The following GALNTL6 variants were observed in gnomAD, a reference collection of about 807,000 sequenced individuals.
GALNTL6 encodes polypeptide N-acetylgalactosaminyltransferase like 6.
A neutral mutation model predicts 73.7 loss-of-function variants in GALNTL6; 46 were observed. That is an observed-to-expected ratio of 0.62 (90% CI 0.49 to 0.80). The LOEUF is 0.80. Ranked by LOEUF, GALNTL6 falls within the 30% of genes least tolerant of loss-of-function variation. The pLI is 0.00. For synonymous variants in GALNTL6, 259 were observed against 263.7 expected (o/e 0.98, Z 0.17); for missense variants, 604 against 755.0 (o/e 0.80, Z 2.34).
At chr4:172,695,326 A>G (rs1733617477) in intron 5 of GALNTL6, among the ~76,000 whole-genome samples, 2 of 152,368 alleles carry the variant, frequency 1.3e-5, no homozygotes, top group South Asian at 2.1e-4. Flanking sequence ...TGATTCATTC[A>G]TTTGATTCAT....
chr4:172,273,227 A>T (rs577742704), intron 3 of GALNTL6, among the ~76,000 whole-genome samples: 35 of 152,288 alleles, frequency 2.3e-4, no homozygotes, highest in African/African-American at 4.3e-4. Context: ...AAATATTTTT[A>T]AAAAATATAA....
chr4:172,766,476 C>A (rs1244312507), intron 5 of GALNTL6, among the ~76,000 whole-genome samples: 1 of 151,826 alleles, frequency 6.6e-6, no homozygotes, highest in African/African-American at 2.4e-5. Flanking sequence ...CGTTCAATGT[C>A]TCTAACATAA....
chr4:172,993,998 G>A (rs751356676), intron 10 of GALNTL6, among the ~76,000 whole-genome samples: 4 of 152,058 alleles, frequency 2.6e-5, no homozygotes, highest in African/African-American at 4.8e-5. Context: ...ACCCCAACCC[G>A]TTCATTGTCA....
At chr4:172,574,620 C>G (rs1736894232) in intron 5 of GALNTL6, among the ~76,000 whole-genome samples, 1 of 151,450 alleles carries the variant, frequency 6.6e-6, no homozygotes, top group Non-Finnish European at 1.5e-5. Flanking sequence ...AGAAAAACAG[C>G]TAACAAACAA....
rs755008722 is a variant in GALNTL6 at position 171,864,049 on chromosome 4, A to G, written c.138+49331A>G. On this transcript the variant is annotated intron_variant, in intron 2 of 12. Coordinates refer to ENST00000506823, the MANE Select transcript of GALNTL6 (RefSeq NM_001034845.3). The stretch of plus-strand genomic sequence containing the variant: ...AGTGCTGGGATTACAGGCGTGAGCC[A>G]TGGCACCCAGAAGGAATACTTTTAA... Among the ~76,000 whole-genome samples, 4 of 152,180 alleles carry G rather than the reference A, an allele frequency of 2.6e-5. No homozygotes were observed. In the South Asian group the frequency reaches 8.3e-4, roughly 31 times the overall value.
intron 5 of GALNTL6, among the ~76,000 whole-genome samples, chr4:172,540,746 G>T (rs527301106): frequency 6.6e-6 from 1 of 152,274 alleles, no homozygotes; most frequent in African/African-American, 2.4e-5. Context: ...AAAATTGGTT[G>T]GGAGAGTTAA....
intron 5 of GALNTL6, among the ~76,000 whole-genome samples, chr4:172,754,460 T>G (rs6553654): frequency 0.95 from 144,740 of 152,094 alleles, 69,206 homozygotes; most frequent in East Asian, 1. Flanking sequence ...TAATCCCAGC[T>G]ACTGAGGAGG....
In GALNTL6 at chr4:172,886,188, T is replaced by C. The variant is rs539875341; in HGVS notation, c.1041+3281T>C. 5.9e-5 allele frequency among the ~76,000 whole-genome samples: 9 copies of C among 152,362 alleles called. No individual in the cohort carries two copies. The East Asian group carries it at 1.7e-3, about 29-fold the overall frequency. ...CATCAAGTGTTGGGCTTTTCTTTGA[T>C]GGGAGACTATTACTGCTTTGATTTC... On this transcript the variant is annotated intron_variant, in intron 8 of 12. Transcript: ENST00000506823.
chr4:172,379,487 G>A (rs1487115437), intron 5 of GALNTL6, among the ~76,000 whole-genome samples: 255 of 128,680 alleles, frequency 2.0e-3, no homozygotes, highest in African/African-American at 6.8e-3. Flanking sequence ...CCGAGATTGC[G>A]CCACTGCAGT....
At chr4:173,023,896 T>C (rs1753119854) in intron 12 of GALNTL6, among the ~76,000 whole-genome samples, 1 of 152,332 alleles carries the variant, frequency 6.6e-6, no homozygotes, top group East Asian at 1.9e-4. Context: ...TTTTTTTTAA[T>C]GATTATATTC....
At chr4:172,850,129 G>A (rs1743737419) in intron 7 of GALNTL6, among the ~76,000 whole-genome samples, 1 of 152,158 alleles carries the variant, frequency 6.6e-6, no homozygotes, top group East Asian at 1.9e-4. Context: ...GCTGTCTACA[G>A]GACAGAGCAC....
At chr4:171,887,816 T>C (rs938857132) in intron 2 of GALNTL6, among the ~76,000 whole-genome samples, 5 of 152,094 alleles carry the variant, frequency 3.3e-5, no homozygotes, top group Non-Finnish European at 7.4e-5. Flanking sequence ...TTCTGGAAGG[T>C]TACTTGTTCT....
intron 2 of GALNTL6, among the ~76,000 whole-genome samples, chr4:172,167,670 C>T (rs944596190): frequency 2.6e-5 from 4 of 152,092 alleles, no homozygotes; most frequent in African/African-American, 9.7e-5. Context: ...AAATAAGAAA[C>T]ATTTCTGGCC....
At chr4:171,851,057 G>T (rs143859031) in intron 2 of GALNTL6, among the ~76,000 whole-genome samples, 51 of 152,248 alleles carry the variant, frequency 3.3e-4, no homozygotes, top group African/African-American at 1.2e-3. Flanking sequence ...GGCATTTCTC[G>T]TAGTGTATAA....
chr4:172,865,009 TTTG>T (rs1460922049), intron 7 of GALNTL6, among the ~76,000 whole-genome samples: 1 of 152,198 alleles, frequency 6.6e-6, no homozygotes, highest in Non-Finnish European at 1.5e-5. Flanking sequence ...GGATTTGGGT[TTTG>T]TTATCTTCCT....
At chr4:172,288,565 A>T (rs1230122893) in intron 3 of GALNTL6, among the ~76,000 whole-genome samples, 2 of 152,174 alleles carry the variant, frequency 1.3e-5, no homozygotes, top group African/African-American at 4.8e-5. Context: ...CTTACTATGT[A>T]AACACCTTAC....
intron 3 of GALNTL6, among the ~76,000 whole-genome samples, chr4:172,271,079 A>G (rs1342506492): frequency 6.6e-6 from 1 of 152,186 alleles, no homozygotes; most frequent in African/African-American, 2.4e-5. Flanking sequence ...TGACTAGGAG[A>G]CAAATGAAGT....
intron 7 of GALNTL6, among the ~76,000 whole-genome samples, chr4:172,848,137 G>A (rs1490149128): frequency 6.6e-6 from 1 of 152,080 alleles, no homozygotes; most frequent in Non-Finnish European, 1.5e-5. Flanking sequence ...TTCTTCTCTT[G>A]GGATATCTTT....
chr4:172,705,298 G>C (rs1560892848), intron 5 of GALNTL6, among the ~76,000 whole-genome samples: 1 of 149,450 alleles, frequency 6.7e-6, no homozygotes, highest in African/African-American at 2.5e-5. Flanking sequence ...TTTTCTGGTA[G>C]TATATTTCAA....
Sources: gnomAD v4.1 joint callset for allele counts (sites outside exome capture counted in the v4.1 genomes callset) on GRCh38, gnomAD v4.1.1 for gene constraint, MANE v1.5 for transcripts, NCBI Gene and HGNC (gene_info 2026-07-23, HGNC 2026-07-21) for gene names.